Variants in PCDHAC1 observed in about 807,000 individuals in gnomAD.
The protein encoded by PCDHAC1 is protocadherin alpha subfamily C, 1, also known as protocadherin alpha-C1.
In PCDHAC1, 42 loss-of-function variants were observed where a neutral mutation model predicts 60.0. The ratio of observed to expected loss-of-function variants is 0.70; its 90% CI spans 0.55 to 0.90. The LOEUF is 0.90. Ranked by LOEUF, PCDHAC1 falls within the 40% of genes least tolerant of loss-of-function variation. PCDHAC1 has a pLI of 0.00. For synonymous variants in PCDHAC1, 468 were observed against 499.3 expected (o/e 0.94, Z 0.84); for missense variants, 1,160 against 1,222.3 (o/e 0.95, Z 0.76).
chr5:140,982,663 A>G (rs2096995052), intron 3 of PCDHAC1, 100 bp downstream of exon 3: 5 of 1,473,648 alleles, frequency 3.4e-6, no homozygotes, highest in Admixed American at 2.6e-5. Context: ...TTTTTCTTTT[A>G]TATTTTTGTT....
chr5:140,977,762 C>T (rs996806241), intron 1 of PCDHAC1, among the ~76,000 whole-genome samples: 6 of 152,124 alleles, frequency 3.9e-5, no homozygotes, highest in Non-Finnish European at 5.9e-5. Context: ...TTATTAAATA[C>T]TTTGCATCCC....
In PCDHAC1 at chr5:140,928,426, TC is replaced by T. The variant is rs781827449; in HGVS notation, c.1536del (p.Phe513LeufsTer13). The T allele has an allele frequency of 1.9e-6, 3 of 1,614,134 alleles. No individual in the cohort carries two copies. Among genetic ancestry groups the T allele is most frequent in the South Asian group, 2.2e-5 (2 of 91,086 alleles). On this transcript the variant is annotated frameshift_variant, in exon 1 of 4. Transcript: ENST00000253807. LOFTEE classifies it high-confidence loss of function. ...CAGTGGGGCCATCACTGCCAAAACT[TC>T]CTTTGACTTTGAGCAGCTCAGGGGG... ...SSSGAITAKT[S>X]FDFEQLRGFH...
chr5:140,999,687 A>G (rs1554256930), intron 3 of PCDHAC1, among the ~76,000 whole-genome samples: 2 of 152,044 alleles, frequency 1.3e-5, no homozygotes, highest in Non-Finnish European at 2.9e-5. Flanking sequence ...AGAAAGAAGA[A>G]ATGTGATTTT....
intron 1 of PCDHAC1, among the ~76,000 whole-genome samples, chr5:140,947,190 C>T (rs1292127049): frequency 6.6e-6 from 1 of 151,120 alleles, no homozygotes; most frequent in Non-Finnish European, 1.5e-5. Flanking sequence ...TGGTATACTA[C>T]ACAGCCTTAA....
chr5:140,928,522 T>G lies in PCDHAC1; in HGVS notation c.1630T>G (p.Phe544Val), dbSNP rs373009645. The G allele has an allele frequency of 4.3e-6, 7 of 1,614,150 alleles. No homozygotes were observed. Among genetic ancestry groups the G allele is most frequent in the African/African-American group, 1.3e-5 (1 of 75,032 alleles). Residue 544 changes from phenylalanine (F) to valine (V), a missense_variant, in exon 1 of 4, where the codon TTT (phenylalanine) becomes GTT (valine). By Grantham distance (50) the Phe-to-Val change is conservative. This residue lies in a region of PCDHAC1 where 1,113 missense variants were observed against 1,163.7 expected (regional missense o/e 0.96). Coordinates refer to ENST00000253807, the MANE Select transcript of PCDHAC1 (RefSeq NM_018898.5). ...AAGTGCAACAGTGACTATAAACTTG[T>G]TTGTGGTAGATAGGAATGACAATTA... Reference protein sequence around the residue: ...PRSATVTINLFVVDRNDNYPV... With the variant: ...PRSATVTINLVVVDRNDNYPV...
chr5:140,969,283 T>A, intron 1 of PCDHAC1: 61 of 1,614,200 alleles, frequency 3.8e-5, no homozygotes, highest in Non-Finnish European at 5.2e-5. Flanking sequence ...GTGGTCAGAA[T>A]GCTGGGAACC....
chr5:140,971,488 A>G (rs17119328), intron 1 of PCDHAC1, among the ~76,000 whole-genome samples: 1 of 152,104 alleles, frequency 6.6e-6, no homozygotes, highest in African/African-American at 2.4e-5. Flanking sequence ...ACATTGTTAC[A>G]GTGTGGCAAG....
chr5:140,977,518 G>C (rs1328241179), intron 1 of PCDHAC1, among the ~76,000 whole-genome samples: 5 of 152,166 alleles, frequency 3.3e-5, no homozygotes, highest in African/African-American at 7.2e-5. Context: ...TTGTGAACTT[G>C]AAAACAAAGG....
At chr5:140,956,085 A>T (rs1338013265) in intron 1 of PCDHAC1, among the ~76,000 whole-genome samples, 1 of 152,214 alleles carries the variant, frequency 6.6e-6, no homozygotes, top group Admixed American at 6.5e-5. Context: ...GGATCATGTC[A>T]TCTGCAAACA....
chr5:140,952,923 C>T (rs1554220692), intron 1 of PCDHAC1, among the ~76,000 whole-genome samples: 1 of 151,990 alleles, frequency 6.6e-6, no homozygotes, highest in East Asian at 1.9e-4. Context: ...ATGGCATGAG[C>T]AGGAGCAGGA....
chr5:140,968,272 A>G (rs369285531), intron 1 of PCDHAC1: 1 of 1,613,936 alleles, frequency 6.2e-7, no homozygotes, highest in African/African-American at 1.3e-5. Context: ...AGGAGAATGC[A>G]GAGGTGACCT....
intron 3 of PCDHAC1, among the ~76,000 whole-genome samples, chr5:141,007,668 G>C (rs556655396): frequency 6.6e-6 from 1 of 152,262 alleles, no homozygotes; most frequent in East Asian, 1.9e-4. Context: ...AATTTACAAA[G>C]ACAAAAGTTA....
intron 1 of PCDHAC1, among the ~76,000 whole-genome samples, chr5:140,935,985 C>T (rs155825): frequency 0.32 from 47,782 of 150,880 alleles, 7,901 homozygotes; most frequent in East Asian, 0.53. Context: ...CTCTGCCTCC[C>T]GGGTTCAAGC....
At position 140,984,181 on chromosome 5, in the gene PCDHAC1, C is replaced by T. The variant is rs995252456; in HGVS notation, c.2581+1618C>T. Among the ~76,000 whole-genome samples, 5 of 152,210 alleles carry T rather than the reference C, an allele frequency of 3.3e-5. No individual in the cohort carries two copies. In the East Asian group the frequency reaches 9.6e-4, roughly 29 times the overall value. Reference sequence around the variant, plus strand: ...ACTTCCCAAAGAAGCCACGTGAAATCATGACTTTCTACCTTGCCTTTATTT... The same window carrying T: ...ACTTCCCAAAGAAGCCACGTGAAATTATGACTTTCTACCTTGCCTTTATTT... On this transcript the variant is annotated intron_variant, in intron 3 of 3. Coordinates refer to ENST00000253807, the MANE Select transcript of PCDHAC1 (RefSeq NM_018898.5).
chr5:140,947,038 A>G (rs2094072618), intron 1 of PCDHAC1, among the ~76,000 whole-genome samples: 1 of 151,776 alleles, frequency 6.6e-6, no homozygotes, highest in Admixed American at 6.6e-5. Context: ...TATACTAATT[A>G]CCCTGATTTG....
chr5:141,002,141 A>G (rs1554258528), intron 3 of PCDHAC1, among the ~76,000 whole-genome samples: 3 of 152,258 alleles, frequency 2.0e-5, no homozygotes, highest in Admixed American at 6.5e-5. Context: ...TGCCGGCTGC[A>G]CTGACTTAGC....
chr5:140,963,977 C>A (rs1311264244), intron 1 of PCDHAC1, among the ~76,000 whole-genome samples: 1 of 152,164 alleles, frequency 6.6e-6, no homozygotes, highest in Non-Finnish European at 1.5e-5. Flanking sequence ...ACTCCAAAGT[C>A]TATATTCCTA....
At chr5:140,986,246 C>G (rs561365390) in intron 3 of PCDHAC1, among the ~76,000 whole-genome samples, 1 of 152,296 alleles carries the variant, frequency 6.6e-6, no homozygotes, top group South Asian at 2.1e-4. Flanking sequence ...TGAGCAGACC[C>G]GGACCACAGG....
intron 3 of PCDHAC1, among the ~76,000 whole-genome samples, chr5:140,984,759 T>C (rs2097119018): frequency 6.6e-6 from 1 of 152,184 alleles, no homozygotes; most frequent in Non-Finnish European, 1.5e-5. Context: ...AGTTGAATTC[T>C]AATCCCAAGC....
Sources: gnomAD v4.1 joint callset for allele counts (sites outside exome capture counted in the v4.1 genomes callset) on GRCh38, gnomAD v4.1.1 for gene constraint, gnomAD v4.1.1 regional missense constraint, MANE v1.5 for transcripts, NCBI Gene and HGNC (gene_info 2026-07-23, HGNC 2026-07-21) for gene names.